The following SLC2A12 variants were observed in gnomAD, a reference collection of about 807,000 sequenced individuals.
SLC2A12 encodes solute carrier family 2 member 12.
A neutral mutation model predicts 41.8 loss-of-function variants in SLC2A12; 23 were observed. The ratio of observed to expected loss-of-function variants is 0.55; its 90% CI spans 0.40 to 0.78. SLC2A12 has a LOEUF of 0.78. Ranked by LOEUF, SLC2A12 falls within the 30% of genes least tolerant of loss-of-function variation. The pLI is 0.00. For missense variants in SLC2A12, 654 were observed against 745.6 expected, an observed-to-expected ratio of 0.88 and a Z score of 1.43; for synonymous variants, 295 against 285.9, an observed-to-expected ratio of 1.03 and a Z score of -0.32.
intron 2 of SLC2A12, among the ~76,000 whole-genome samples, chr6:134,014,395 C>A (rs180714365): frequency 6.6e-6 from 1 of 152,076 alleles, no homozygotes; most frequent in African/African-American, 2.4e-5. Flanking sequence ...TTGGGAACCC[C>A]TACCCCGGAG....
At chr6:134,048,141 A>C (rs1463375994) in intron 1 of SLC2A12, among the ~76,000 whole-genome samples, 1 of 152,228 alleles carries the variant, frequency 6.6e-6, no homozygotes, top group African/African-American at 2.4e-5. Context: ...AGTGGTGAAA[A>C]GCCTCAAATC....
At chr6:133,994,656 A>T (rs1776664460) in intron 4 of SLC2A12, among the ~76,000 whole-genome samples, 1 of 152,202 alleles carries the variant, frequency 6.6e-6, no homozygotes, top group Non-Finnish European at 1.5e-5. Context: ...TGAACCTGGG[A>T]GGCAGAGCTT....
intron 2 of SLC2A12, among the ~76,000 whole-genome samples, chr6:134,019,236 G>A (rs1239571230): frequency 6.6e-6 from 1 of 152,142 alleles, no homozygotes; most frequent in Non-Finnish European, 1.5e-5. Flanking sequence ...ATATTTTCCG[G>A]AGTTTCAGTG....
At chr6:134,022,486 A>C (rs1313102964) in intron 2 of SLC2A12, among the ~76,000 whole-genome samples, 1 of 148,332 alleles carries the variant, frequency 6.7e-6, no homozygotes. Context: ...AGCCGAGATC[A>C]CACCGTTGCA....
chr6:134,044,274 G>A (rs894496839), intron 1 of SLC2A12, among the ~76,000 whole-genome samples: 1 of 152,166 alleles, frequency 6.6e-6, no homozygotes, highest in African/African-American at 2.4e-5. Flanking sequence ...GTAAGCACCT[G>A]CACTGTGAGG....
intron 1 of SLC2A12, among the ~76,000 whole-genome samples, chr6:134,030,274 T>C (rs543880624): frequency 5.1e-4 from 77 of 152,318 alleles, no homozygotes; most frequent in African/African-American, 1.8e-3. Flanking sequence ...AAATGGCCTC[T>C]GCTGAACACA....
intron 4 of SLC2A12, among the ~76,000 whole-genome samples, chr6:133,994,676 C>T (rs946252596): frequency 4.6e-5 from 7 of 152,036 alleles, no homozygotes; most frequent in African/African-American, 7.2e-5. Flanking sequence ...TGCATTGAGC[C>T]GAGATGGCAC....
chr6:133,991,409 T>C, intron 4 of SLC2A12, 101 bp from the exon 5 acceptor site: 2 of 1,263,680 alleles, frequency 1.6e-6, no homozygotes, highest in Non-Finnish European at 2.2e-6. Flanking sequence ...TTTAATGTTT[T>C]AGCTATGCAA....
intron 2 of SLC2A12, among the ~76,000 whole-genome samples, chr6:134,022,649 C>T (rs1271799766): frequency 6.6e-6 from 1 of 152,152 alleles, no homozygotes; most frequent in African/African-American, 2.4e-5. Context: ...AGCCATTTGA[C>T]CTGTATGTCG....
intron 2 of SLC2A12, among the ~76,000 whole-genome samples, chr6:134,013,841 G>A (rs1776921176): frequency 6.6e-6 from 1 of 152,138 alleles, no homozygotes. Flanking sequence ...TTCCAGTTGT[G>A]TTTTTAACTA....
chr6:134,006,860 T>C lies in SLC2A12; in HGVS notation c.1519A>G (p.Asn507Asp). The C allele has an allele frequency of 1.2e-6, 2 of 1,614,148 alleles. No homozygotes were observed. Among genetic ancestry groups the C allele is most frequent in the Non-Finnish European group, 1.7e-6 (2 of 1,180,032 alleles). Reference protein sequence around the residue: ...GRAMALTSSMNWGINLLISLT... With the variant: ...GRAMALTSSMDWGINLLISLT... Reference sequence around the variant, plus strand: ...GAGATGAGGAGATTGATGCCCCAGTTCATGCTAGAAGTTAAAGCCATGGCT... The same window carrying C: ...GAGATGAGGAGATTGATGCCCCAGTCCATGCTAGAAGTTAAAGCCATGGCT... Residue 507 changes from asparagine to aspartate, a missense_variant, in exon 3 of 5, where the codon AAC becomes GAC. By Grantham distance (23) the Asn-to-Asp change is conservative (BLOSUM62 1). Transcript: ENST00000275230.
intron 3 of SLC2A12, 85 bp downstream of exon 3, chr6:134,006,726 GA>G: frequency 9.8e-6 from 15 of 1,528,930 alleles, no homozygotes; most frequent in Non-Finnish European, 1.2e-5. Flanking sequence ...AAATTTCCAC[GA>G]AAAAATGGTC....
At chr6:134,013,501 G>T (rs931977187) in intron 2 of SLC2A12, among the ~76,000 whole-genome samples, 3 of 152,044 alleles carry the variant, frequency 2.0e-5, no homozygotes, top group Non-Finnish European at 4.4e-5. Flanking sequence ...ACCTCTCAAT[G>T]AGATGGATGG....
At chr6:134,044,980 T>C (rs1777437452) in intron 1 of SLC2A12, among the ~76,000 whole-genome samples, 2 of 152,190 alleles carry the variant, frequency 1.3e-5, no homozygotes, top group Non-Finnish European at 2.9e-5. Flanking sequence ...GTTGAGATGT[T>C]TCCTAGGTTA....
intron 1 of SLC2A12, among the ~76,000 whole-genome samples, chr6:134,039,880 C>G (rs146421845): frequency 6.6e-6 from 1 of 152,074 alleles, no homozygotes; most frequent in Non-Finnish European, 1.5e-5. Context: ...CTCTCTCTCA[C>G]TCCAGTTTTC....
chr6:134,001,891 A>G (rs2114426156), intron 4 of SLC2A12, 106 bp downstream of exon 4: 2 of 1,241,708 alleles, frequency 1.6e-6, no homozygotes, highest in South Asian at 3.1e-5. Flanking sequence ...GGAATGTCCT[A>G]ATCTAATAAT....
intron 2 of SLC2A12, among the ~76,000 whole-genome samples, chr6:134,027,352 C>T (rs752028098): frequency 3.9e-5 from 6 of 152,206 alleles, no homozygotes; most frequent in Non-Finnish European, 8.8e-5. Flanking sequence ...TCAGCATAGC[C>T]TATACCTTCT....
chr6:134,029,489 C>G lies in SLC2A12; in HGVS notation c.336G>C (p.Leu112Phe). 1.2e-6 allele frequency: 2 copies of G among 1,614,162 alleles called. No homozygotes were observed. Among genetic ancestry groups the G allele is most frequent in the Non-Finnish European group, 1.7e-6 (2 of 1,180,018 alleles). Residue 112 changes from leucine to phenylalanine, a missense_variant, in exon 2 of 5, where the codon TTG becomes TTC. Around this residue, in one of 3 missense-constraint regions of SLC2A12, gnomAD observed 109 missense variants for 153.0 expected, o/e 0.71. Transcript: ENST00000275230. ...DRYGRRTAII[L>F]SSCLLGLGSL... Reference sequence around the variant, plus strand: ...TTCCGAGTCCAAGCAGGCAGGATGACAAGATGATTGCTGTCCTTCTTCCAT... The same window carrying G: ...TTCCGAGTCCAAGCAGGCAGGATGAGAAGATGATTGCTGTCCTTCTTCCAT...
intron 2 of SLC2A12, among the ~76,000 whole-genome samples, chr6:134,018,670 C>T (rs553198950): frequency 6.6e-6 from 1 of 152,164 alleles, no homozygotes; most frequent in Non-Finnish European, 1.5e-5. Flanking sequence ...TTTCACTTAC[C>T]CTCTTTTATT....
Sources: allele counts gnomAD v4.1 joint callset (sites outside exome capture counted in the v4.1 genomes callset), GRCh38; gene constraint gnomAD v4.1.1; regional missense constraint gnomAD v4.1.1; transcripts MANE v1.5; gene names NCBI Gene and HGNC (gene_info 2026-07-23, HGNC 2026-07-21).